CDC42BPG: variants seen among roughly 807,000 people sequenced by gnomAD.
CDC42BPG encodes the protein serine/threonine-protein kinase MRCK gamma.
A neutral mutation model predicts 192.2 loss-of-function variants in CDC42BPG; 157 were observed. The observed-to-expected ratio is 0.82, with a 90% CI of 0.72 to 0.93. CDC42BPG has a LOEUF of 0.93. CDC42BPG is among the 40% of genes least tolerant of loss of function. The probability of loss-of-function intolerance (pLI) is 0.00; values close to 1 mark genes in which losing one functional copy is unlikely to be tolerated. For missense variants in CDC42BPG, 1,992 were observed against 2,122.1 expected (o/e 0.94, Z 1.20); for synonymous variants, 981 against 918.5 (o/e 1.07, Z -1.23).
chr11:64,835,675 A>C, intron 14 of CDC42BPG, 54 bp from the exon 15 acceptor site: 1 of 1,590,906 alleles, frequency 6.3e-7, no homozygotes. Context: ...TGGCCCACCC[A>C]CCTGGGACAC....
rs1171692258 is a variant in CDC42BPG, at chr11:64,838,880, T to G, written c.899A>C (p.Asp300Ala). The G allele has an allele frequency of 8.7e-6, 13 of 1,495,106 alleles. No individual in the cohort carries two copies. Among genetic ancestry groups the G allele is most frequent in the Non-Finnish European group, 1.1e-5 (12 of 1,110,050 alleles). The allele number at this position is 1,495,106 out of a possible 1,614,324, so 92.6% of individuals were successfully genotyped here. Residue 300 changes from aspartate to alanine, a missense_variant, in exon 8 of 37, where the codon GAC becomes GCC. This residue lies in a region of CDC42BPG where 1,656 missense variants were observed against 1,844.3 expected (regional missense o/e 0.90). Transcript: ENST00000342711. ...GGCGCTGGCTGGCACGTCAGGCACG[T>G]CCGGGGGGAACTGCAGGTGGTCCTG... ...NHEDHLQFPP[D>A]VPDVPASAQD...
chr11:64,843,691 C>T (rs1419897939), intron 1 of CDC42BPG, among the ~76,000 whole-genome samples: 2 of 152,236 alleles, frequency 1.3e-5, no homozygotes, highest in African/African-American at 2.4e-5. Flanking sequence ...GGGCCAGCCA[C>T]TCCCAATGAC....
Position 64,827,284 on chromosome 11 carries a change from T to G in CDC42BPG, c.4265A>C (p.Gln1422Pro). The G allele has an allele frequency of 2.5e-6, 4 of 1,613,848 alleles. No individual in the cohort carries two copies. The highest frequency in any genetic ancestry group is 1.1e-5 in the South Asian group (1 of 91,082). ...FRVSEEQQKQ[Q>P]RREMLKDPFV... ...CCGCGTCGTGCACGCGCACCTGCGC[T>G]GCTGCTTCTGCTGCTCCTCCGACAC... The change falls in exon 33 of 37, where the codon CAG becomes CCG. Residue 1422 changes from glutamine (Q) to proline (P), a missense_variant. Gln to Pro is a moderately conservative substitution (Grantham distance 76). Transcript: ENST00000342711.
At chr11:64,839,619 G>C in intron 5 of CDC42BPG, 48 bp from the exon 6 acceptor site, 1 of 1,530,964 alleles carries the variant, frequency 6.5e-7, no homozygotes, top group African/African-American at 1.4e-5. Context: ...CTGTGTGTAA[G>C]TGGCCATTTA....
In CDC42BPG at chr11:64,841,699, A is replaced by G; in HGVS notation, c.287T>C (p.Ile96Thr). Residue 96 changes from isoleucine (I) to threonine (T), a missense_variant, in exon 3 of 37, where the codon ATT becomes ACT. Coordinates refer to ENST00000342711, the MANE Select transcript of CDC42BPG (RefSeq NM_017525.3). ...TVVRQRDTGQIFAMKMLHKWE... is the reference protein window; with the variant it reads ...TVVRQRDTGQTFAMKMLHKWE... ...CTTGTGCAGCATTTTCATGGCAAAAATCTGCCCAGTGTCCCTCTGCCTCAC... is the reference window on the plus strand; with the variant it reads ...CTTGTGCAGCATTTTCATGGCAAAAGTCTGCCCAGTGTCCCTCTGCCTCAC... 1 of 1,613,766 alleles carries G rather than the reference A, an allele frequency of 6.2e-7. No individual in the cohort carries two copies.
In CDC42BPG at chr11:64,830,193, C is replaced by A. The variant is rs909018632; in HGVS notation, c.3367+1G>T. ...CACCCTAGCCCAGCTTTGATAGGTACCGTTGCTGCGCAGATGGATGACAAA... is the reference window on the plus strand; with the variant it reads ...CACCCTAGCCCAGCTTTGATAGGTAACGTTGCTGCGCAGATGGATGACAAA... On this transcript the variant is annotated splice_donor_variant, in intron 29 of 36. Transcript: ENST00000342711. LOFTEE classifies it high-confidence loss of function. 1 of 1,613,668 alleles carries A rather than the reference C, an allele frequency of 6.2e-7. No individual in the cohort carries two copies.
Position 64,838,052 on chromosome 11 carries a change from C to G in CDC42BPG, c.1205+31G>C, listed in dbSNP as rs368100028. The stretch of plus-strand genomic sequence containing the variant: ...TCCTCCAGGTCAGGCAACCCCGAGC[C>G]TCCCACCAGGTGTGTGAGGACTAGC... On this transcript the variant is annotated intron_variant, in intron 9 of 36. Coordinates refer to ENST00000342711, the MANE Select transcript of CDC42BPG (RefSeq NM_017525.3). 30 of 1,542,534 alleles carry G rather than the reference C, an allele frequency of 1.9e-5. No homozygotes were observed. The African/African-American group carries it at 3.3e-4, about 17-fold the overall frequency.
rs1942453963 is a variant in CDC42BPG, at chr11:64,826,989, A to T, written c.4389+61T>A. ...CCCGTGATTGGCTAGAGCTCACCAC[A>T]GAGGCCGGTTATTGGCTCAGCCTCA... On this transcript the variant is annotated intron_variant, in intron 34 of 36. Coordinates refer to ENST00000342711, the MANE Select transcript of CDC42BPG (RefSeq NM_017525.3). The T allele has an allele frequency of 3.9e-6, 5 of 1,297,318 alleles. No homozygotes were observed. In the East Asian group the frequency reaches 1.2e-4, roughly 30 times the overall value. 80.4% of individuals were successfully genotyped at this position (1,297,318 alleles called of 1,614,324 possible).
chr11:64,826,614 G>A, intron 35 of CDC42BPG, 57 bp downstream of exon 35: 1 of 1,593,944 alleles, frequency 6.3e-7, no homozygotes, highest in Non-Finnish European at 8.6e-7. Context: ...GGGATCCAAA[G>A]GGGGTAGAAA....
In CDC42BPG at chr11:64,835,592, C is replaced by T; in HGVS notation, c.1788G>A (p.Gly596=). ...GAGGCCCACCCTCAGGGGGTCCCATCCCGTTGGTCTCAGAGGCTGTGTGGA... is the reference window on the plus strand; with the variant it reads ...GAGGCCCACCCTCAGGGGGTCCCATTCCGTTGGTCTCAGAGGCTGTGTGGA... ...KTIHTASETN[G]MGPPEGGPQE... The change falls in exon 15 of 37, where the codon GGG becomes GGA. Residue 596 remains glycine (G), a synonymous_variant. Transcript: ENST00000342711. 1.3e-6 allele frequency: 2 copies of T among 1,577,068 alleles called. No individual in the cohort carries two copies. The highest frequency in any genetic ancestry group is 1.3e-5 in the African/African-American group (1 of 74,312).
chr11:64,831,715 T>C lies in CDC42BPG; in HGVS notation c.3094A>G (p.Thr1032Ala). 2 of 1,593,426 alleles carry C rather than the reference T, an allele frequency of 1.3e-6. No individual in the cohort carries two copies. ...GTGGGCGGCACTGCCAGCTGGGAGG[T>C]TGTCACCTGTGGGCAAGGACCCCAG... ...RDLPRIFRVT[T>A]SQLAVPPTTC... The change falls in exon 28 of 37, where the codon ACC becomes GCC. Residue 1032 changes from threonine (T) to alanine (A), a missense_variant. Transcript: ENST00000342711.
chr11:64,832,415 C>G lies in CDC42BPG; in HGVS notation c.3087+13G>C, dbSNP rs1458740180. 2 of 1,612,080 alleles carry G rather than the reference C, an allele frequency of 1.2e-6. No homozygotes were observed. The highest frequency in any genetic ancestry group is 1.7e-5 in the Admixed American group (1 of 59,798). ...GTGGATGGTGGCTGCTCCATCTCATCCCAGGCACTCACCCTAAAGATGCGT... is the reference window on the plus strand; with the variant it reads ...GTGGATGGTGGCTGCTCCATCTCATGCCAGGCACTCACCCTAAAGATGCGT... On this transcript the variant is annotated intron_variant, in intron 27 of 36. Coordinates refer to ENST00000342711, the MANE Select transcript of CDC42BPG (RefSeq NM_017525.3).
intron 20 of CDC42BPG, 42 bp downstream of exon 20, chr11:64,834,224 G>C: frequency 3.3e-6 from 5 of 1,526,824 alleles, no homozygotes; most frequent in Non-Finnish European, 4.4e-6. Context: ...GGGAGGCCGC[G>C]GGGGAGCCTG....
rs759668531 is a variant in CDC42BPG at position 64,834,295 on chromosome 11, C to T, written c.2384G>A (p.Arg795Gln). The stretch of plus-strand genomic sequence containing the variant: ...TGGCCCTCGGGCCCGCAGCTCCTCC[C>T]GCAGCATGGCGAGCTCCTGTTGCAG... ...QALQQELAMLREELRARGPVD... is the reference protein window; with the variant it reads ...QALQQELAMLQEELRARGPVD... Residue 795 changes from arginine (R) to glutamine (Q), a missense_variant, in exon 20 of 37, where the codon CGG (arginine) becomes CAG (glutamine). Around this residue, in one of 2 missense-constraint regions of CDC42BPG, gnomAD observed 1,656 missense variants for 1,844.3 expected, o/e 0.90. Coordinates refer to ENST00000342711, the MANE Select transcript of CDC42BPG (RefSeq NM_017525.3). 1.8e-5 allele frequency: 29 copies of T among 1,578,654 alleles called. No homozygotes were observed. Among genetic ancestry groups the T allele is most frequent in the East Asian group, 1.2e-4 (5 of 42,710 alleles).
rs745307019 is a variant in CDC42BPG, at chr11:64,827,775, C to T, written c.3976G>A (p.Ala1326Thr). 10 of 1,608,172 alleles carry T rather than the reference C, an allele frequency of 6.2e-6. No individual in the cohort carries two copies. The highest frequency in any genetic ancestry group is 1.1e-5 in the South Asian group (1 of 90,380). The change falls in exon 31 of 37, where the codon GCC becomes ACC. Residue 1326 changes from alanine to threonine, a missense_variant. By Grantham distance (58) the Ala-to-Thr change is moderately conservative. This residue lies in a region of CDC42BPG where 1,656 missense variants were observed against 1,844.3 expected (regional missense o/e 0.90). Transcript: ENST00000342711. ...PAAPMGWGYAAPYLTVFSENS... is the reference protein window; with the variant it reads ...PAAPMGWGYATPYLTVFSENS... ...TCGCTGAACACTGTCAGGTAGGGGG[C>T]CGCATACCCTGCGGGCACGCCAGGC...
intron 7 of CDC42BPG, 62 bp from the exon 8 acceptor site, chr11:64,838,964 G>C: frequency 6.2e-7 from 1 of 1,610,528 alleles, no homozygotes; most frequent in Non-Finnish European, 8.5e-7. Flanking sequence ...TCACCTGCCG[G>C]TACTTCCAAC....
rs376603196 is a variant in CDC42BPG, at chr11:64,836,983, G to A, written c.1242C>T (p.Ala414=). The A allele has an allele frequency of 6.2e-7, 1 of 1,613,558 alleles. No individual in the cohort carries two copies. The highest frequency in any genetic ancestry group is 8.5e-7 in the Non-Finnish European group (1 of 1,179,952). Residue 414 remains alanine (A), a synonymous_variant, in exon 10 of 37, where the codon GCC becomes GCT. Transcript: ENST00000342711. ...CCAGACACTGGAGCTTCCGCTCCAG[G>A]GCAGCCCAAGCCTCAGAGCTGCTCT... ...SPESSSEAWA[A]LERKLQCLEQ...
intron 9 of CDC42BPG, among the ~76,000 whole-genome samples, chr11:64,837,643 G>A (rs1943080184): frequency 6.6e-6 from 1 of 152,110 alleles, no homozygotes; most frequent in Non-Finnish European, 1.5e-5. Flanking sequence ...TGTATTTTTA[G>A]TAGAGATGGG....
rs1474427174 is a variant in CDC42BPG, at chr11:64,839,591, G to A, written c.582-20C>T. 5.6e-6 allele frequency: 9 copies of A among 1,604,104 alleles called. No individual in the cohort carries two copies. Among genetic ancestry groups the A allele is most frequent in the Non-Finnish European group, 6.8e-6 (8 of 1,175,522 alleles). On this transcript the variant is annotated intron_variant, in intron 5 of 36. Transcript: ENST00000342711. ...ACATCCCTGGGGGATGGCAGGCAGG[G>A]AGAGTGAGGCGTTTGACCTGTGTGT...
Sources: allele counts gnomAD v4.1 joint callset (sites outside exome capture counted in the v4.1 genomes callset), GRCh38; gene constraint gnomAD v4.1.1; regional missense constraint gnomAD v4.1.1; transcripts MANE v1.5; gene names NCBI Gene and HGNC (gene_info 2026-07-23, HGNC 2026-07-21).